The following MBD5 variants were observed in gnomAD, a reference collection of about 807,000 sequenced individuals.
The protein encoded by MBD5 is methyl-CpG-binding domain protein 5.
In MBD5, 13 loss-of-function variants were observed where a neutral mutation model predicts 117.3. The ratio of observed to expected loss-of-function variants is 0.11; its 90% CI spans 0.07 to 0.18. The LOEUF (loss-of-function observed/expected upper bound fraction) is 0.18. Among genes scored for constraint, MBD5 ranks in the 10% least tolerant of loss-of-function variants. The pLI is 1.00. For missense variants in MBD5, 1,879 were observed against 2,093.8 expected (o/e 0.90, Z 2.00); for synonymous variants, 727 against 766.4 (o/e 0.95, Z 0.85).
rs567287114 is a variant in MBD5 at position 148,091,695 on chromosome 2, C to T, written c.-925+70011C>T. Reference sequence around the variant, plus strand: ...AAGACTTAAATATAAGACCTGAAACCATAAAAATTCTAGAAGATAACATTG... The same window carrying T: ...AAGACTTAAATATAAGACCTGAAACTATAAAAATTCTAGAAGATAACATTG... On this transcript the variant is annotated intron_variant, in intron 1 of 13. Transcript: ENST00000642680. 3.3e-5 allele frequency among the ~76,000 whole-genome samples: 5 copies of T among 152,168 alleles called. No homozygotes were observed. The South Asian group carries it at 1.0e-3, about 32-fold the overall frequency.
intron 1 of MBD5, among the ~76,000 whole-genome samples, chr2:148,087,265 C>T (rs1695820094): frequency 6.6e-6 from 1 of 152,226 alleles, no homozygotes; most frequent in South Asian, 2.1e-4. Context: ...TGGAGGCCAA[C>T]CAACTCAGGA....
intron 3 of MBD5, among the ~76,000 whole-genome samples, chr2:148,330,053 C>CCCCCCCA (rs1559026394): frequency 2.4e-4 from 5 of 21,100 alleles, no homozygotes; most frequent in Admixed American, 8.8e-4. Flanking sequence ...GCCCCCCCCA[C>CCCCCCCA]ACACACACAC....
chr2:148,064,563 T>A (rs771297051), intron 1 of MBD5, among the ~76,000 whole-genome samples: 1 of 152,178 alleles, frequency 6.6e-6, no homozygotes, highest in South Asian at 2.1e-4. Flanking sequence ...ATTTGGCTGC[T>A]AGATACCTTT....
intron 2 of MBD5, among the ~76,000 whole-genome samples, chr2:148,228,440 C>T (rs1254389321): frequency 6.6e-6 from 1 of 152,156 alleles, no homozygotes; most frequent in Non-Finnish European, 1.5e-5. Flanking sequence ...ATGAACCGGC[C>T]ATGCATCCCA....
chr2:148,088,362 T>G (rs1425482088), intron 1 of MBD5, among the ~76,000 whole-genome samples: 1 of 152,082 alleles, frequency 6.6e-6, no homozygotes, highest in Admixed American at 6.5e-5. Flanking sequence ...TAAAAGAACA[T>G]CTGGGAAATT....
chr2:148,374,240 T>TACACACACACACAC, intron 4 of MBD5, among the ~76,000 whole-genome samples: 1 of 141,970 alleles, frequency 7.0e-6, no homozygotes, highest in African/African-American at 2.6e-5. Flanking sequence ...TGTTTATGCA[T>TACACACACACACAC]ACACACACAC....
chr2:148,452,510 A>G (rs1254041501), intron 4 of MBD5, among the ~76,000 whole-genome samples: 6 of 152,128 alleles, frequency 3.9e-5, no homozygotes, highest in Admixed American at 3.9e-4. Flanking sequence ...CAAAAAATTA[A>G]AGTAAAATAA....
chr2:148,279,319 A>G, intron 3 of MBD5, among the ~76,000 whole-genome samples: 1 of 152,234 alleles, frequency 6.6e-6, no homozygotes, highest in East Asian at 1.9e-4. Context: ...AGTCCTAGAT[A>G]CTAGGAAGGT....
intron 4 of MBD5, among the ~76,000 whole-genome samples, chr2:148,385,295 C>T (rs542904547): frequency 6.6e-6 from 1 of 152,248 alleles, no homozygotes; most frequent in Admixed American, 6.5e-5. Flanking sequence ...AAAAAGTGGG[C>T]AAAGGATATG....
chr2:148,227,517 G>C (rs1251501108), intron 2 of MBD5, among the ~76,000 whole-genome samples: 3 of 151,990 alleles, frequency 2.0e-5, no homozygotes, highest in Non-Finnish European at 2.9e-5. Flanking sequence ...GTTACTGTGG[G>C]CTTGTAGTAT....
At chr2:148,384,172 T>G (rs1216523343) in intron 4 of MBD5, among the ~76,000 whole-genome samples, 2 of 152,112 alleles carry the variant, frequency 1.3e-5, no homozygotes, top group African/African-American at 4.8e-5. Flanking sequence ...AGTCAAATTG[T>G]CCCTGTTTGC....
chr2:148,389,549 A>G (rs1040651872), intron 4 of MBD5, among the ~76,000 whole-genome samples: 5 of 151,888 alleles, frequency 3.3e-5, no homozygotes, highest in Non-Finnish European at 7.4e-5. Context: ...ATTACCACCA[A>G]CAGTGTATAA....
intron 4 of MBD5, among the ~76,000 whole-genome samples, chr2:148,365,326 A>T (rs1490086508): frequency 6.6e-6 from 1 of 152,244 alleles, no homozygotes; most frequent in South Asian, 2.1e-4. Flanking sequence ...AATCTCTGAG[A>T]CACAGCCAAA....
chr2:148,121,348 T>C (rs1696763973), intron 1 of MBD5, among the ~76,000 whole-genome samples: 1 of 152,152 alleles, frequency 6.6e-6, no homozygotes, highest in South Asian at 2.1e-4. Flanking sequence ...GTATAGCCTT[T>C]TTACAAAGGC....
chr2:148,122,821 T>G (rs1026284283), intron 1 of MBD5, among the ~76,000 whole-genome samples: 5 of 152,214 alleles, frequency 3.3e-5, no homozygotes, highest in African/African-American at 1.2e-4. Context: ...CTTTGTAAAC[T>G]GTGAAATGCT....
At chr2:148,318,308 T>A (rs75727072) in intron 3 of MBD5, among the ~76,000 whole-genome samples, 20 of 151,990 alleles carry the variant, frequency 1.3e-4, no homozygotes, top group Non-Finnish European at 1.5e-4. Flanking sequence ...TTTTTTTTTT[T>A]AATTATTTTT....
At chr2:148,350,838 T>C (rs1286926423) in intron 4 of MBD5, among the ~76,000 whole-genome samples, 1 of 152,044 alleles carries the variant, frequency 6.6e-6, no homozygotes, top group Non-Finnish European at 1.5e-5. Context: ...CTGATTATCA[T>C]ATTTAAGTCT....
At chr2:148,039,234 TAGTGG>T (rs1694290485) in intron 1 of MBD5, among the ~76,000 whole-genome samples, 1 of 152,108 alleles carries the variant, frequency 6.6e-6, no homozygotes, top group Admixed American at 6.6e-5. Context: ...GCATTCTTTA[TAGTGG>T]AGGGTACAGT....
At chr2:148,029,472 T>TA (rs1693980136) in intron 1 of MBD5, among the ~76,000 whole-genome samples, 1 of 152,202 alleles carries the variant, frequency 6.6e-6, no homozygotes. Flanking sequence ...CAGGTGTTCT[T>TA]ACATGTATGA....
Sources: gnomAD v4.1 joint callset for allele counts (sites outside exome capture counted in the v4.1 genomes callset) on GRCh38, gnomAD v4.1.1 for gene constraint, MANE v1.5 for transcripts, NCBI Gene and HGNC (gene_info 2026-07-23, HGNC 2026-07-21) for gene names.